Variants in BRD9 observed in about 807,000 individuals in gnomAD.
The protein encoded by BRD9 is bromodomain-containing protein 9.
In BRD9, 47 loss-of-function variants were observed where a neutral mutation model predicts 68.7. The observed-to-expected ratio is 0.68, with a 90% CI of 0.54 to 0.87. The LOEUF (loss-of-function observed/expected upper bound fraction) is 0.87. Among genes scored for constraint, BRD9 ranks in the 40% least tolerant of loss-of-function variants. The pLI is 0.00. For synonymous variants in BRD9, 313 were observed against 293.9 expected (o/e 1.06, Z -0.67); for missense variants, 670 against 748.4 (o/e 0.90, Z 1.22).
chr5:889,289 C>A, intron 4 of BRD9, 124 bp from the exon 5 acceptor site: 1 of 1,108,230 alleles, frequency 9.0e-7, no homozygotes, highest in Non-Finnish European at 1.3e-6. Flanking sequence ...AAGTTACGAG[C>A]GTCTTTTAAT....
Position 875,374 on chromosome 5 carries a change from G to A in BRD9, c.1383+727C>T, listed in dbSNP as rs373108133. Among the ~76,000 whole-genome samples the A allele has an allele frequency of 2.6e-5, 4 of 151,502 alleles. No individual in the cohort carries two copies. The East Asian group carries it at 5.8e-4, about 22-fold the overall frequency. On this transcript the variant is annotated intron_variant, in intron 12 of 15. Coordinates refer to ENST00000467963, the MANE Select transcript of BRD9 (RefSeq NM_023924.5). The stretch of plus-strand genomic sequence containing the variant: ...CTTTTTTTTTTTTTTTGGAGATGGG[G>A]TCTGGCTCTGTGGCCCAAGCTGGAG...
intron 9 of BRD9, 36 bp downstream of exon 9, chr5:881,071 C>T (rs778010126): frequency 8.7e-6 from 14 of 1,603,226 alleles, no homozygotes; most frequent in African/African-American, 1.3e-5. Context: ...AAGCAGTGTA[C>T]GGAGAGCATA....
rs761804915 is a variant in BRD9, at chr5:864,431, A to G, written c.*37T>C. 5.3e-6 allele frequency: 8 copies of G among 1,508,584 alleles called. No individual in the cohort carries two copies. In the South Asian group the frequency reaches 8.5e-5, roughly 16 times the overall value. The allele number at this position is 1,508,584 out of a possible 1,614,324, so 93.4% of individuals were successfully genotyped here. Reference sequence around the variant, plus strand: ...AACTCTACACGTGCAAAATAAAACTAAAAAAATAAAATAAAAGAGCTGAAG... The same window carrying G: ...AACTCTACACGTGCAAAATAAAACTGAAAAAATAAAATAAAAGAGCTGAAG... On this transcript the variant is annotated 3_prime_UTR_variant, in exon 16 of 16. Transcript: ENST00000467963.
At chr5:881,226 A>T in intron 8 of BRD9, 44 bp from the exon 9 acceptor site, 1 of 1,578,106 alleles carries the variant, frequency 6.3e-7, no homozygotes, top group South Asian at 1.1e-5. Flanking sequence ...CAGGAGGGGC[A>T]GCGCAGCACA....
chr5:891,622 C>A lies in BRD9; in HGVS notation c.267+18G>T. 6.5e-7 allele frequency: 1 copy of A among 1,549,648 alleles called. No homozygotes were observed. The highest frequency in any genetic ancestry group is 8.7e-7 in the Non-Finnish European group (1 of 1,146,888). ...CTCCTCGTGGGCAGCGTCCGGGCCA[C>A]CGCCGCTGCTCCTTTACCTTTCGCT... is the stretch of plus-strand genomic sequence containing the variant. On this transcript the variant is annotated intron_variant, in intron 2 of 15. Coordinates refer to ENST00000467963, the MANE Select transcript of BRD9 (RefSeq NM_023924.5).
intron 4 of BRD9, 99 bp downstream of exon 4, chr5:889,488 T>G (rs1753032437): frequency 1.5e-6 from 2 of 1,328,196 alleles, no homozygotes; most frequent in Non-Finnish European, 2.1e-6. Flanking sequence ...GTGCAGGGTC[T>G]GTTTCACAGC....
At chr5:872,384 A>T (rs931361888) in intron 12 of BRD9, among the ~76,000 whole-genome samples, 3 of 152,190 alleles carry the variant, frequency 2.0e-5, no homozygotes, top group Non-Finnish European at 4.4e-5. Context: ...TCAACTCCAT[A>T]TCCAAGTTCA....
rs918554736 is a variant in BRD9 at position 871,738 on chromosome 5, C to A, written c.1384-174G>T. 3.9e-5 allele frequency among the ~76,000 whole-genome samples: 6 copies of A among 152,218 alleles called. No homozygotes were observed. In the East Asian group the frequency reaches 1.2e-3, roughly 29 times the overall value. ...GGGGTCCTCCAAACCTTCTTCATCA[C>A]CAGTCACTGACCCAACCACGCCCAG... On this transcript the variant is annotated intron_variant, in intron 12 of 15. Coordinates refer to ENST00000467963, the MANE Select transcript of BRD9 (RefSeq NM_023924.5).
At chr5:887,027 G>T in intron 6 of BRD9, 1 of 517,586 alleles carries the variant, frequency 1.9e-6, no homozygotes, top group Non-Finnish European at 3.5e-6. Context: ...ACTCAGGATG[G>T]CCAAGGAAGA....
At position 876,266 on chromosome 5, in the gene BRD9, TCG is replaced by T. The variant is rs1296688141; in HGVS notation, c.1272-56_1272-55del. 2.1e-5 allele frequency: 30 copies of T among 1,404,016 alleles called. No individual in the cohort carries two copies. The African/African-American group carries it at 4.2e-4, about 20-fold the overall frequency. 87.0% of individuals were successfully genotyped at this position (1,404,016 alleles called of 1,614,324 possible). The stretch of plus-strand genomic sequence containing the variant: ...GAAAGGAGCCCTTGTCGCCTGGCCC[TCG>T]CGGCAGCCCTGATCACAGAAGCCTG... On this transcript the variant is annotated intron_variant, in intron 11 of 15. Coordinates refer to ENST00000467963, the MANE Select transcript of BRD9 (RefSeq NM_023924.5).
chr5:883,757 C>G, intron 8 of BRD9, 181 bp downstream of exon 8: 1 of 855,368 alleles, frequency 1.2e-6, no homozygotes, highest in Non-Finnish European at 1.8e-6. Flanking sequence ...CCAGAGGCAC[C>G]TGGACCCCGA....
rs929205046 is a variant in BRD9 at position 891,376 on chromosome 5, G to C, written c.268-89C>G. ...AATCCCCTCGCAGTTCTCAGGGGAGGGACAGAACTAAGGGAAACCCCCTCC... is the reference window on the plus strand; with the variant it reads ...AATCCCCTCGCAGTTCTCAGGGGAGCGACAGAACTAAGGGAAACCCCCTCC... On this transcript the variant is annotated intron_variant, in intron 2 of 15. Coordinates refer to ENST00000467963, the MANE Select transcript of BRD9 (RefSeq NM_023924.5). 24 of 1,480,286 alleles carry C rather than the reference G, an allele frequency of 1.6e-5. No individual in the cohort carries two copies. The African/African-American group carries it at 3.4e-4, about 21-fold the overall frequency. 91.7% of individuals were successfully genotyped at this position (1,480,286 alleles called of 1,614,324 possible).
chr5:887,310 G>T, intron 6 of BRD9, 51 bp downstream of exon 6: 1 of 1,477,822 alleles, frequency 6.8e-7, no homozygotes, highest in Non-Finnish European at 9.4e-7. Flanking sequence ...CAAGCGACGG[G>T]GGGCAGAGCC....
chr5:877,818 T>C (rs1465210255), intron 11 of BRD9, among the ~76,000 whole-genome samples: 3 of 152,074 alleles, frequency 2.0e-5, no homozygotes, highest in Non-Finnish European at 4.4e-5. Context: ...ATGAGGCCAT[T>C]AGGGTGGCCC....
intron 7 of BRD9, 90 bp from the exon 8 acceptor site, chr5:884,160 C>G: frequency 6.6e-7 from 1 of 1,518,864 alleles, no homozygotes; most frequent in Non-Finnish European, 8.9e-7. Flanking sequence ...CAGCTTCTAC[C>G]GACCCTGCCC....
chr5:892,610 G>A lies in BRD9; in HGVS notation c.48C>T (p.Tyr16=). 1 of 1,530,966 alleles carries A rather than the reference G, an allele frequency of 6.5e-7. No individual in the cohort carries two copies. Among genetic ancestry groups the A allele is most frequent in the African/African-American group, 1.4e-5 (1 of 70,736 alleles). 94.8% of individuals were successfully genotyped at this position (1,530,966 alleles called of 1,614,324 possible). A position where few individuals can be genotyped will look rare whatever the true frequency, so the allele number is the denominator to read the frequency against. ...CACAAAGCGCCGCCGCCTCACCCTC[G>A]TAGGACGAGCGCCACTCGGCCTTGT... is the stretch of plus-strand genomic sequence containing the variant. ...KKHKAEWRSS[Y]EDYADKPLEK... The change falls in exon 1 of 16, where the codon TAC becomes TAT. Residue 16 remains tyrosine, a synonymous_variant. Coordinates refer to ENST00000467963, the MANE Select transcript of BRD9 (RefSeq NM_023924.5).
At chr5:869,751 T>C (rs887400571) in intron 14 of BRD9, among the ~76,000 whole-genome samples, 1 of 152,244 alleles carries the variant, frequency 6.6e-6, no homozygotes, top group East Asian at 1.9e-4. Context: ...AGGAAATCTC[T>C]GAATCCACCA....
At chr5:871,931 G>A (rs962778208) in intron 12 of BRD9, among the ~76,000 whole-genome samples, 10 of 152,244 alleles carry the variant, frequency 6.6e-5, no homozygotes, top group Non-Finnish European at 1.0e-4. Flanking sequence ...GAAGGGTCTC[G>A]TGGGTTCCAC....
intron 15 of BRD9, 79 bp from the exon 16 acceptor site, chr5:864,647 G>T: frequency 7.6e-7 from 1 of 1,315,670 alleles, no homozygotes. Context: ...CCCAAGGTCT[G>T]CTTCCTGACC....
Sources: gnomAD v4.1 joint callset for allele counts (sites outside exome capture counted in the v4.1 genomes callset) on GRCh38, gnomAD v4.1.1 for gene constraint, MANE v1.5 for transcripts, NCBI Gene and HGNC (gene_info 2026-07-23, HGNC 2026-07-21) for gene names.